CNOT10: variants seen among roughly 807,000 people sequenced by gnomAD.
The protein encoded by CNOT10 is CCR4-NOT transcription complex subunit 10, also known as CCR4-NOT transcription complex, subunit 10.
Under a neutral mutation model 94.6 loss-of-function variants are expected in CNOT10, and 30 were observed. That is an observed-to-expected ratio of 0.32 (90% CI 0.24 to 0.43). The LOEUF is 0.43. Among genes scored for constraint, CNOT10 ranks in the 20% least tolerant of loss-of-function variants. The pLI, the probability that CNOT10 is intolerant of heterozygous loss-of-function variation, is 1.00. For missense variants in CNOT10, 759 were observed against 877.2 expected (o/e 0.87, Z 1.70); for synonymous variants, 289 against 301.6 (o/e 0.96, Z 0.43).
chr3:32,724,531 G>C (rs954251308), intron 8 of CNOT10, among the ~76,000 whole-genome samples: 2 of 151,584 alleles, frequency 1.3e-5, no homozygotes, highest in African/African-American at 4.9e-5. Flanking sequence ...TCCTGCCTCA[G>C]CCTCCCGAGT....
intron 13 of CNOT10, among the ~76,000 whole-genome samples, chr3:32,754,646 AG>A (rs1486050504): frequency 7.1e-6 from 1 of 140,624 alleles, no homozygotes; most frequent in Non-Finnish European, 1.5e-5. Flanking sequence ...CGACCTCCTG[AG>A]TAGCTGGGAC....
chr3:32,690,069 C>A (rs1696787339), intron 1 of CNOT10, among the ~76,000 whole-genome samples: 1 of 152,126 alleles, frequency 6.6e-6, no homozygotes, highest in Non-Finnish European at 1.5e-5. Flanking sequence ...CGTTACAGGC[C>A]ATGGAGGGAG....
At chr3:32,703,061 G>A (rs1575212980) in intron 1 of CNOT10, among the ~76,000 whole-genome samples, 5 of 146,570 alleles carry the variant, frequency 3.4e-5, no homozygotes, top group East Asian at 4.0e-4. Context: ...ACAGGCGCCC[G>A]CCACCACGCC....
At chr3:32,695,618 A>G (rs146084294) in intron 1 of CNOT10, 8 of 1,535,560 alleles carry the variant, frequency 5.2e-6, no homozygotes, top group Non-Finnish European at 6.1e-6. Context: ...GCAATTGTTT[A>G]TTTAGAAATG....
intron 1 of CNOT10, among the ~76,000 whole-genome samples, chr3:32,689,660 CAA>C (rs1271086958): frequency 6.6e-6 from 1 of 152,140 alleles, no homozygotes; most frequent in Admixed American, 6.6e-5. Flanking sequence ...CAATATCTGA[CAA>C]GAGACACTCA....
intron 5 of CNOT10, among the ~76,000 whole-genome samples, chr3:32,715,733 C>T (rs1698089625): frequency 1.3e-5 from 2 of 152,204 alleles, no homozygotes; most frequent in Admixed American, 1.3e-4. Flanking sequence ...CGACTGTGAG[C>T]TTCTCATGAG....
intron 12 of CNOT10, among the ~76,000 whole-genome samples, chr3:32,735,753 G>C (rs1270279734): frequency 6.6e-6 from 1 of 152,048 alleles, no homozygotes; most frequent in Non-Finnish European, 1.5e-5. Context: ...GACTCCTAAA[G>C]CTGCTTATTT....
intron 10 of CNOT10, chr3:32,730,753 A>T (rs940356929): frequency 6.6e-6 from 1 of 152,182 alleles, no homozygotes; most frequent in African/African-American, 2.4e-5. Context: ...GCTAAGGAGG[A>T]CATTTTGTCC....
At chr3:32,686,530 G>A (rs1696607658) in intron 1 of CNOT10, among the ~76,000 whole-genome samples, 1 of 152,156 alleles carries the variant, frequency 6.6e-6, no homozygotes, top group African/African-American at 2.4e-5. Flanking sequence ...GGCCTTGAGA[G>A]GGTATAAGGA....
rs1162495668 is a variant in CNOT10, at chr3:32,685,242, G to C, written c.-219G>C. On this transcript the variant is annotated 5_prime_UTR_variant, in exon 1 of 19. Transcript: ENST00000328834. ...GCTGTGTATGGCGGGAGGCTGTGGCGGTCCCTTGGTGGGGAAGCTGTTGCT... is the reference window on the plus strand; with the variant it reads ...GCTGTGTATGGCGGGAGGCTGTGGCCGTCCCTTGGTGGGGAAGCTGTTGCT... 11 of 525,492 alleles carry C rather than the reference G, an allele frequency of 2.1e-5. No individual in the cohort carries two copies. The highest frequency in any genetic ancestry group is 3.8e-5 in the Non-Finnish European group (11 of 292,896). 32.6% of individuals were successfully genotyped at this position (525,492 alleles called of 1,614,324 possible). A position where few individuals can be genotyped will look rare whatever the true frequency, so the allele number is the denominator to read the frequency against.
chr3:32,713,118 G>C, intron 4 of CNOT10, 109 bp from the exon 5 acceptor site: 1 of 847,752 alleles, frequency 1.2e-6, no homozygotes. Flanking sequence ...TTTGAGTAAA[G>C]ACTTATGCTT....
chr3:32,700,252 AG>A (rs1250267468), intron 1 of CNOT10, among the ~76,000 whole-genome samples: 1 of 152,144 alleles, frequency 6.6e-6, no homozygotes, highest in Admixed American at 6.5e-5. Flanking sequence ...CTGGGATTAC[AG>A]GCGTGAGCCA....
At chr3:32,721,942 G>A (rs900718168) in intron 8 of CNOT10, among the ~76,000 whole-genome samples, 2 of 150,722 alleles carry the variant, frequency 1.3e-5, no homozygotes, top group East Asian at 2.0e-4. Context: ...GTGAGCCACC[G>A]TGCCCGGCCT....
chr3:32,744,363 A>G (rs1466516494), intron 13 of CNOT10, among the ~76,000 whole-genome samples: 1 of 152,114 alleles, frequency 6.6e-6, no homozygotes, highest in Non-Finnish European at 1.5e-5. Flanking sequence ...GCAAAGCCCC[A>G]TTTTCTGTTT....
intron 13 of CNOT10, among the ~76,000 whole-genome samples, chr3:32,745,991 C>G (rs979344368): frequency 1.3e-5 from 2 of 152,178 alleles, no homozygotes; most frequent in Non-Finnish European, 2.9e-5. Flanking sequence ...GACCCTGTCT[C>G]AAACCAAAAC....
intron 9 of CNOT10, among the ~76,000 whole-genome samples, chr3:32,726,442 C>G (rs1698667528): frequency 6.6e-6 from 1 of 152,020 alleles, no homozygotes; most frequent in African/African-American, 2.4e-5. Flanking sequence ...CGCCTGTAAT[C>G]CCAGCACTTA....
At chr3:32,708,569 A>T (rs1697728802) in intron 3 of CNOT10, 101 bp from the exon 4 acceptor site, 1 of 955,698 alleles carries the variant, frequency 1.0e-6, no homozygotes, top group Non-Finnish European at 1.6e-6. Flanking sequence ...AATTCAGAAT[A>T]AGAATGTTGG....
intron 3 of CNOT10, among the ~76,000 whole-genome samples, chr3:32,706,750 A>G (rs779494286): frequency 1.8e-4 from 27 of 152,220 alleles, no homozygotes; most frequent in Non-Finnish European, 2.8e-4. Context: ...TCTCCATTAC[A>G]TAACTACAGA....
intron 13 of CNOT10, among the ~76,000 whole-genome samples, chr3:32,742,645 G>C (rs1482539043): frequency 1.3e-5 from 2 of 152,090 alleles, no homozygotes; most frequent in African/African-American, 4.8e-5. Context: ...GCCTCCCACA[G>C]TGCTGAGATC....
Sources: allele counts gnomAD v4.1 joint callset (sites outside exome capture counted in the v4.1 genomes callset), GRCh38; gene constraint gnomAD v4.1.1; transcripts MANE v1.5; gene names NCBI Gene and HGNC (gene_info 2026-07-23, HGNC 2026-07-21).